GPLD1: variants seen among roughly 807,000 people sequenced by gnomAD.
GPLD1 encodes glycosylphosphatidylinositol specific phospholipase D1.
In GPLD1, 84 loss-of-function variants were observed where a neutral mutation model predicts 112.6. The observed-to-expected ratio is 0.75, with a 90% CI of 0.63 to 0.89. The LOEUF is 0.89. Among genes scored for constraint, GPLD1 ranks in the 40% least tolerant of loss-of-function variants. The probability of loss-of-function intolerance (pLI) is 0.00; values close to 1 mark genes in which losing one functional copy is unlikely to be tolerated. For synonymous variants in GPLD1, 386 were observed against 403.8 expected, an observed-to-expected ratio of 0.96 and a Z score of 0.53; for missense variants, 1,044 against 1,051.5, an observed-to-expected ratio of 0.99 and a Z score of 0.10.
chr6:24,483,095 A>C (rs1390884529), intron 2 of GPLD1, among the ~76,000 whole-genome samples: 1 of 151,846 alleles, frequency 6.6e-6, no homozygotes, highest in East Asian at 1.9e-4. Flanking sequence ...TGGGAGGCTG[A>C]CGCGGGCGGA....
upstream of GPLD1, chr6:24,495,212 C>T (rs1271075914): frequency 1.3e-6 from 2 of 1,508,816 alleles, no homozygotes; most frequent in Non-Finnish European, 1.8e-6. Context: ...GGCTCCCGGC[C>T]GCCGCCACCT....
intron 22 of GPLD1, among the ~76,000 whole-genome samples, chr6:24,434,647 C>T (rs1413732735): frequency 6.6e-6 from 1 of 151,764 alleles, no homozygotes; most frequent in Non-Finnish European, 1.5e-5. Context: ...ACCATCGTGG[C>T]TAACACGGTG....
intron 1 of GPLD1, among the ~76,000 whole-genome samples, chr6:24,488,160 C>T (rs970698217): frequency 3.3e-5 from 5 of 152,108 alleles, no homozygotes; most frequent in African/African-American, 1.2e-4. Context: ...GTAATCCCAG[C>T]ACTTTGGGAG....
intron 2 of GPLD1, among the ~76,000 whole-genome samples, chr6:24,483,901 TTTGTTTTG>T (rs935806913): frequency 7.0e-5 from 2 of 28,534 alleles, no homozygotes; most frequent in Non-Finnish European, 1.6e-4. Context: ...GCCCCACCAC[TTTGTTTTG>T]TTTTGTTTTG....
At chr6:24,438,321 A>G (rs1345335606) in intron 20 of GPLD1, among the ~76,000 whole-genome samples, 4 of 152,232 alleles carry the variant, frequency 2.6e-5, no homozygotes, top group Middle Eastern at 3.2e-3. Flanking sequence ...ATTTCGCTGT[A>G]AACTTTATTA....
chr6:24,438,528 T>C (rs373758978), intron 20 of GPLD1, among the ~76,000 whole-genome samples: 6 of 152,188 alleles, frequency 3.9e-5, no homozygotes, highest in Non-Finnish European at 7.3e-5. Context: ...GCCTTGTTTA[T>C]GGGAAACTGT....
In GPLD1 at chr6:24,433,385, T is replaced by G. The variant is rs1762466290; in HGVS notation, c.2363A>C (p.Gln788Pro). 1.2e-6 allele frequency: 2 copies of G among 1,608,522 alleles called. No individual in the cohort carries two copies. The highest frequency in any genetic ancestry group is 8.5e-7 in the Non-Finnish European group (1 of 1,175,066). ...WITPCPEEKA[Q>P]YVLISPEASS... ...TACTTCAGGAGAAATCAATACATAT[T>G]GGGCCTGAAGAAAAAAATTGAGGAG... Residue 788 changes from glutamine to proline, a missense_variant, in exon 23 of 25, where the codon CAA becomes CCA. Gln to Pro is a moderately conservative substitution (Grantham distance 76). Coordinates refer to ENST00000230036, the MANE Select transcript of GPLD1 (RefSeq NM_001503.4).
intron 3 of GPLD1, among the ~76,000 whole-genome samples, chr6:24,479,272 G>C (rs886533953): frequency 1.3e-5 from 2 of 152,262 alleles, no homozygotes; most frequent in South Asian, 2.1e-4. Flanking sequence ...CTCTCAGTCT[G>C]TAAGAGAGAG....
At chr6:24,425,477 G>A (rs961634017), downstream of GPLD1, 3 of 152,200 alleles carry the variant, frequency 2.0e-5, no homozygotes, top group Non-Finnish European at 4.4e-5. Flanking sequence ...ATTTCTGAAG[G>A]TGGTTAAATC....
intron 21 of GPLD1, among the ~76,000 whole-genome samples, 157 bp from the exon 22 acceptor site, chr6:24,436,893 A>G (rs915971341): frequency 6.6e-6 from 1 of 152,074 alleles, no homozygotes; most frequent in Non-Finnish European, 1.5e-5. Flanking sequence ...TTTGTTTCCT[A>G]CTTCATTCAT....
chr6:24,466,265 T>C (rs1581767346), intron 10 of GPLD1, among the ~76,000 whole-genome samples: 1 of 152,348 alleles, frequency 6.6e-6, no homozygotes, highest in South Asian at 2.1e-4. Context: ...GAGACTCCCT[T>C]GAACCCAGGA....
chr6:24,445,745 A>T lies in GPLD1; in HGVS notation c.1907T>A (p.Phe636Tyr). The part of the protein sequence containing the change: ...GYFPPNGQSW[F>Y]TISGDKAMGK... ...TCATACCTTGTCTCCAGAAATGGTA[A>T]ACCAGCTTTGGCCGTTTGGTGGGAA... The change falls in exon 19 of 25, where the codon TTT (phenylalanine) becomes TAT (tyrosine). Residue 636 changes from phenylalanine (F) to tyrosine (Y), a missense_variant. Phe to Tyr is a conservative substitution (Grantham distance 22, BLOSUM62 3). Transcript: ENST00000230036. 6.2e-7 allele frequency: 1 copy of T among 1,613,624 alleles called. No individual in the cohort carries two copies. Among genetic ancestry groups the T allele is most frequent in the Non-Finnish European group, 8.5e-7 (1 of 1,179,726 alleles).
At chr6:24,433,277 T>C (rs745830809) in intron 23 of GPLD1, 40 bp from the exon 24 acceptor site, 6 of 1,594,210 alleles carry the variant, frequency 3.8e-6, no homozygotes, top group Non-Finnish European at 5.2e-6. Flanking sequence ...TTGAAGAACA[T>C]AGTGTAATAC....
chr6:24,475,202 A>C lies in GPLD1; in HGVS notation c.360T>G (p.Phe120Leu). 1 of 1,611,022 alleles carries C rather than the reference A, an allele frequency of 6.2e-7. No individual in the cohort carries two copies. The highest frequency in any genetic ancestry group is 8.5e-7 in the Non-Finnish European group (1 of 1,177,162). The change falls in exon 5 of 25, where the codon TTT becomes TTG. Residue 120 changes from phenylalanine to leucine, a missense_variant. Phe to Leu is a conservative substitution (Grantham distance 22). Transcript: ENST00000230036. ...KDTEKLVAFL[F>L]GITSHMAADV... ...CTGCCGCCATGTGAGAAGTAATTCC[A>C]AACAAGAAAGCTACCAGTTTCTCTG... is the stretch of plus-strand genomic sequence containing the variant.
At position 24,428,408 on chromosome 6, in the gene GPLD1, C is replaced by T. The variant is rs899553481; in HGVS notation, c.*624G>A. On this transcript the variant is annotated 3_prime_UTR_variant, in exon 25 of 25. Transcript: ENST00000230036. ...CTCCCACCTTCCGCCCTCTCATAGG[C>T]CCCAGTGTGTGTTGTTTCCCTCTAT... 3 of 152,104 alleles carry T rather than the reference C, an allele frequency of 2.0e-5. No homozygotes were observed. The South Asian group carries it at 6.2e-4, about 32-fold the overall frequency. The allele number at this position is 152,104 out of a possible 1,614,324, so 9.4% of individuals were successfully genotyped here.
Position 24,489,465 on chromosome 6 carries a change from G to A in GPLD1, c.47C>T (p.Ser16Phe). 1 of 1,614,004 alleles carries A rather than the reference G, an allele frequency of 6.2e-7. No individual in the cohort carries two copies. Among genetic ancestry groups the A allele is most frequent in the Non-Finnish European group, 8.5e-7 (1 of 1,179,896 alleles). Residue 16 changes from serine (S) to phenylalanine (F), a missense_variant, in exon 1 of 25, where the codon TCT (serine) becomes TTT (phenylalanine). By Grantham distance (155) the Ser-to-Phe change is radical. Coordinates refer to ENST00000230036, the MANE Select transcript of GPLD1 (RefSeq NM_001503.4). ...LWPGLLIMLG[S>F]LCHRGSPCGL... is the part of the protein sequence containing the mutation. ...ACACGGTGAACCTCTATGGCAGAGA[G>A]AACCCAACATGATCAGCAGGCCAGG...
At chr6:24,433,661 T>G (rs1762479950) in intron 22 of GPLD1, 1 of 318,596 alleles carries the variant, frequency 3.1e-6, no homozygotes, top group Non-Finnish European at 5.8e-6. Flanking sequence ...CCCGGTTAAT[T>G]TTTTTGTATT....
chr6:24,483,172 A>C (rs1049934463), intron 2 of GPLD1, among the ~76,000 whole-genome samples: 2 of 151,406 alleles, frequency 1.3e-5, no homozygotes, highest in Non-Finnish European at 2.9e-5. Context: ...TACTGAAAAT[A>C]CAAAAATTAG....
At chr6:24,462,968 C>A (rs904983689) in intron 10 of GPLD1, among the ~76,000 whole-genome samples, 173 bp from the exon 11 acceptor site, 2 of 152,116 alleles carry the variant, frequency 1.3e-5, no homozygotes, top group Middle Eastern at 3.2e-3. Context: ...GGTAGGCTGA[C>A]GGTTGTCACT....
Sources: allele counts gnomAD v4.1 joint callset (sites outside exome capture counted in the v4.1 genomes callset), GRCh38; gene constraint gnomAD v4.1.1; transcripts MANE v1.5; gene names NCBI Gene and HGNC (gene_info 2026-07-23, HGNC 2026-07-21).